EGFR: variants seen among roughly 807,000 people sequenced by gnomAD.
The protein encoded by EGFR is avian erythroblastic leukemia viral (v-erb-b) oncogene homolog.
EGFR carries 58 observed loss-of-function variants against 143.0 expected under a neutral mutation model. That is an observed-to-expected ratio of 0.41 (90% CI 0.33 to 0.50). The LOEUF is 0.50. Among genes scored for constraint, EGFR ranks in the 20% least tolerant of loss-of-function variants. EGFR has a pLI of 0.39. For missense variants in EGFR, 1,307 were observed against 1,579.0 expected, an observed-to-expected ratio of 0.83 and a Z score of 2.92; for synonymous variants, 613 against 594.4, an observed-to-expected ratio of 1.03 and a Z score of -0.45.
At chr7:55,174,315 G>A (rs1420522205) in intron 18 of EGFR, among the ~76,000 whole-genome samples, 1 of 152,234 alleles carries the variant, frequency 6.6e-6, no homozygotes. Context: ...GCACAGGGCG[G>A]GAGGAGGGCC....
intron 1 of EGFR, among the ~76,000 whole-genome samples, chr7:55,116,856 C>T (rs1584081214): frequency 6.6e-6 from 1 of 152,210 alleles, no homozygotes; most frequent in East Asian, 1.9e-4. Flanking sequence ...CATAACTGGG[C>T]AGTTCCATCA....
chr7:55,169,784 G>A (rs1352060342), intron 15 of EGFR, among the ~76,000 whole-genome samples: 1 of 151,928 alleles, frequency 6.6e-6, no homozygotes, highest in Non-Finnish European at 1.5e-5. Context: ...CTCTTCAAGG[G>A]TCAACTGGTC....
chr7:55,146,812 G>T (rs570971941), intron 4 of EGFR, 72 bp downstream of exon 4: 14 of 1,600,032 alleles, frequency 8.7e-6, no homozygotes, highest in African/African-American at 2.7e-5. Context: ...TGGGGCAGGG[G>T]AGAGAAGCCA....
intron 22 of EGFR, among the ~76,000 whole-genome samples, chr7:55,197,196 T>C (rs1036638444): frequency 3.0e-4 from 45 of 152,218 alleles, no homozygotes; most frequent in African/African-American, 1.0e-3. Flanking sequence ...AAGCAGTGTT[T>C]TGTGGTTCTT....
At chr7:55,020,823 G>T (rs1786522552) in intron 1 of EGFR, among the ~76,000 whole-genome samples, 1 of 151,966 alleles carries the variant, frequency 6.6e-6, no homozygotes, top group Non-Finnish European at 1.5e-5. Flanking sequence ...GGTCGTTGGG[G>T]GAGGGGCAAG....
rs933722620 is a variant in EGFR at position 55,099,969 on chromosome 7, G to A, written c.89-42317G>A. Among the ~76,000 whole-genome samples the A allele has an allele frequency of 3.3e-5, 5 of 152,190 alleles. 1 individual carries two copies. In the South Asian group the frequency reaches 1.0e-3, roughly 32 times the overall value. On this transcript the variant is annotated intron_variant, in intron 1 of 27. Coordinates refer to ENST00000275493, the MANE Select transcript of EGFR (RefSeq NM_005228.5). ...GCTGGTGTTTACAGATAATACAAGGGGGGCTGCATCTTATGGTTTCAATCC... is the reference window on the plus strand; with the variant it reads ...GCTGGTGTTTACAGATAATACAAGGAGGGCTGCATCTTATGGTTTCAATCC...
chr7:55,132,640 G>A (rs553076307), intron 1 of EGFR, among the ~76,000 whole-genome samples: 8 of 152,006 alleles, frequency 5.3e-5, no homozygotes, highest in Admixed American at 3.9e-4. Context: ...TGGTGCTTTC[G>A]TCCCAGTTCT....
At chr7:55,143,616 G>GGGTAAA in intron 3 of EGFR, 128 bp downstream of exon 3, 1 of 1,021,930 alleles carries the variant, frequency 9.8e-7, no homozygotes, top group Non-Finnish European at 1.5e-6. Context: ...CACGTGCACT[G>GGGTAAA]AGTGCCGGCT....
At chr7:55,202,945 G>A (rs1458374860) in intron 27 of EGFR, 2 of 611,934 alleles carry the variant, frequency 3.3e-6, no homozygotes, top group Non-Finnish European at 5.9e-6. Flanking sequence ...CTGTGTATGT[G>A]TGTGTGTGTA....
intron 1 of EGFR, among the ~76,000 whole-genome samples, chr7:55,064,943 A>G (rs1789411712): frequency 6.6e-6 from 1 of 152,142 alleles, no homozygotes; most frequent in Non-Finnish European, 1.5e-5. Flanking sequence ...CAAGGTGACA[A>G]CACTGCGTCC....
intron 1 of EGFR, among the ~76,000 whole-genome samples, chr7:55,046,100 G>A (rs184515834): frequency 7.2e-5 from 11 of 152,098 alleles, no homozygotes; most frequent in East Asian, 5.8e-4. Flanking sequence ...TATGCATCTC[G>A]TATTACATTT....
rs757061959 is a variant in EGFR, at chr7:55,142,276, T to C, written c.89-10T>C. On this transcript the variant is annotated splice_polypyrimidine_tract_variant and intron_variant, in intron 1 of 27. Transcript: ENST00000275493. The stretch of plus-strand genomic sequence containing the variant: ...CAGTATTTCATGTGATATCTGTCTT[T>C]TTCTTCCAGTTTGCCAAGGCACGAG... 1.9e-6 allele frequency: 3 copies of C among 1,614,190 alleles called. No homozygotes were observed. Among genetic ancestry groups the C allele is most frequent in the Non-Finnish European group, 2.5e-6 (3 of 1,180,024 alleles).
chr7:55,170,174 A>G, intron 15 of EGFR: 3 of 1,520,490 alleles, frequency 2.0e-6, no homozygotes, highest in South Asian at 1.2e-5. Context: ...CAGACCCCCA[A>G]ATTAAGAAGA....
chr7:55,102,038 T>G (rs1034035997), intron 1 of EGFR, among the ~76,000 whole-genome samples: 2 of 152,108 alleles, frequency 1.3e-5, no homozygotes, highest in African/African-American at 4.8e-5. Context: ...CCATCAAACT[T>G]GTCACTCTGG....
Position 55,151,372 on chromosome 7 carries a change from T to G in EGFR, c.628+10T>G. ...GAGAACTGCCAGAAACGTAAGTCAG[T>G]GAACAGCCTCAGACCCATGTGTGAC... On this transcript the variant is annotated intron_variant, in intron 5 of 27. Transcript: ENST00000275493. 6.2e-7 allele frequency: 1 copy of G among 1,614,092 alleles called. No individual in the cohort carries two copies. Among genetic ancestry groups the G allele is most frequent in the Non-Finnish European group, 8.5e-7 (1 of 1,179,978 alleles).
intron 1 of EGFR, among the ~76,000 whole-genome samples, chr7:55,037,010 C>T (rs1414205035): frequency 6.6e-6 from 1 of 152,186 alleles, no homozygotes; most frequent in East Asian, 1.9e-4. Flanking sequence ...AGGAAAGCTC[C>T]CAATTCACAG....
chr7:55,054,208 C>T (rs372367177), intron 1 of EGFR, among the ~76,000 whole-genome samples: 3 of 152,210 alleles, frequency 2.0e-5, no homozygotes, highest in Non-Finnish European at 2.9e-5. Context: ...CTGCACGCTT[C>T]GCTCCCTCTG....
intron 1 of EGFR, among the ~76,000 whole-genome samples, chr7:55,028,198 A>G (rs1245636357): frequency 6.6e-6 from 1 of 151,906 alleles, no homozygotes; most frequent in African/African-American, 2.4e-5. Context: ...TAGCAGTCCT[A>G]TCGTTTTACT....
In EGFR at chr7:55,126,332, G is replaced by C. The variant is rs150803305; in HGVS notation, c.89-15954G>C. On this transcript the variant is annotated intron_variant, in intron 1 of 27. Transcript: ENST00000275493. ...TTGCACATACTAATCCTAAAAGGAC[G>C]ATGACAACAGCAACCACTTACATGA... 2.4e-4 allele frequency among the ~76,000 whole-genome samples: 37 copies of C among 152,336 alleles called. 2 individuals are homozygous for C. In the South Asian group the frequency reaches 7.0e-3, roughly 29 times the overall value.
Sources: allele counts gnomAD v4.1 joint callset (sites outside exome capture counted in the v4.1 genomes callset), GRCh38; gene constraint gnomAD v4.1.1; transcripts MANE v1.5; gene names NCBI Gene and HGNC (gene_info 2026-07-23, HGNC 2026-07-21).